TIAM1: variants seen among roughly 807,000 people sequenced by gnomAD.
The protein encoded by TIAM1 is TIAM Rac1 associated GEF 1.
Under a neutral mutation model 163.5 loss-of-function variants are expected in TIAM1, and 65 were observed. The observed-to-expected ratio is 0.40, with a 90% CI of 0.33 to 0.49. The LOEUF (loss-of-function observed/expected upper bound fraction) is 0.49. TIAM1 is among the 20% of genes least tolerant of loss of function. TIAM1 has a pLI of 0.77. For missense variants in TIAM1, 1,789 were observed against 2,044.7 expected (o/e 0.87, Z 2.41); for synonymous variants, 833 against 810.1 (o/e 1.03, Z -0.48).
intron 9 of TIAM1, among the ~76,000 whole-genome samples, chr21:31,215,124 T>C (rs2087107959): frequency 6.6e-6 from 1 of 152,100 alleles, no homozygotes; most frequent in South Asian, 2.1e-4. Flanking sequence ...AATTCAGTCA[T>C]ATATTTCAGT....
chr21:31,365,552 C>T (rs1047065923), intron 2 of TIAM1, among the ~76,000 whole-genome samples: 3 of 151,676 alleles, frequency 2.0e-5, no homozygotes, highest in African/African-American at 7.3e-5. Flanking sequence ...CCACGCCTGG[C>T]TAATTTTTTG....
intron 2 of TIAM1, among the ~76,000 whole-genome samples, chr21:31,396,178 G>T (rs2077064796): frequency 6.6e-6 from 1 of 152,132 alleles, no homozygotes; most frequent in South Asian, 2.1e-4. Context: ...AGGAGTAGAG[G>T]GGCTTGTTTG....
chr21:31,417,497 G>C (rs1467077135), intron 2 of TIAM1, among the ~76,000 whole-genome samples: 1 of 152,132 alleles, frequency 6.6e-6, no homozygotes, highest in East Asian at 1.9e-4. Flanking sequence ...CAGATCTCAT[G>C]AGACTTACTA....
At chr21:31,513,656 A>C (rs184667860) in intron 1 of TIAM1, among the ~76,000 whole-genome samples, 1 of 152,306 alleles carries the variant, frequency 6.6e-6, no homozygotes, top group Non-Finnish European at 1.5e-5. Flanking sequence ...AAACTCTTGT[A>C]CAGATACCAT....
At chr21:31,428,620 T>C (rs145711664) in intron 2 of TIAM1, among the ~76,000 whole-genome samples, 196 of 152,308 alleles carry the variant, frequency 1.3e-3, no homozygotes, top group Non-Finnish European at 1.5e-3. Context: ...CAGTGGCTCA[T>C]GCCTGTAATT....
At chr21:31,416,550 C>T (rs955296555) in intron 2 of TIAM1, among the ~76,000 whole-genome samples, 2 of 152,194 alleles carry the variant, frequency 1.3e-5, no homozygotes, top group African/African-American at 4.8e-5. Context: ...CTAGTGCCCA[C>T]TTATAAGTGA....
At chr21:31,158,958 G>A (rs932661872) in intron 16 of TIAM1, among the ~76,000 whole-genome samples, 3 of 152,112 alleles carry the variant, frequency 2.0e-5, no homozygotes, top group African/African-American at 7.2e-5. Flanking sequence ...GTAGCCACAA[G>A]TGCCAAGAAA....
chr21:31,210,201 C>A lies in TIAM1; in HGVS notation c.2232G>T (p.Val744=), dbSNP rs758464652. The change falls in exon 11 of 28, where the codon GTG becomes GTT. Residue 744 remains valine (V), a synonymous_variant. Transcript: ENST00000541036. ...TGTGCTGGTGAACGTTAGGTAAGACCACTTCTTTCTCCCTCTATAACAAGA... is the reference window on the plus strand; with the variant it reads ...TGTGCTGGTGAACGTTAGGTAAGACAACTTCTTTCTCCCTCTATAACAAGA... ...IVPDGKREKE[V]VLPNVHQHNP... is the part of the protein sequence containing the mutation. 1 of 1,613,884 alleles carries A rather than the reference C, an allele frequency of 6.2e-7. No individual in the cohort carries two copies. The highest frequency in any genetic ancestry group is 1.3e-5 in the African/African-American group (1 of 74,878).
intron 2 of TIAM1, among the ~76,000 whole-genome samples, chr21:31,441,996 T>C (rs1250299640): frequency 1.4e-5 from 2 of 142,844 alleles, no homozygotes; most frequent in Non-Finnish European, 3.0e-5. Flanking sequence ...GTGGGAATTA[T>C]AGTGAGCTGA....
At chr21:31,244,733 G>A (rs7280356) in intron 6 of TIAM1, among the ~76,000 whole-genome samples, 7,327 of 152,198 alleles carry the variant, frequency 0.048, 582 homozygotes, top group African/African-American at 0.16. Flanking sequence ...CTCAAAAAAA[G>A]AGAGGAACTG....
chr21:31,138,815 T>C (rs929172031), intron 22 of TIAM1, among the ~76,000 whole-genome samples: 5 of 152,210 alleles, frequency 3.3e-5, no homozygotes, highest in Admixed American at 6.5e-5. Flanking sequence ...GAGTAATTGA[T>C]TCCCACTGGG....
intron 2 of TIAM1, among the ~76,000 whole-genome samples, chr21:31,350,530 A>G (rs1456628710): frequency 6.6e-6 from 1 of 152,088 alleles, no homozygotes; most frequent in Admixed American, 6.5e-5. Flanking sequence ...AGAGTTGAGC[A>G]CCATCCCCTT....
chr21:31,445,181 T>C (rs896914930), intron 2 of TIAM1, among the ~76,000 whole-genome samples: 1 of 151,780 alleles, frequency 6.6e-6, no homozygotes, highest in Non-Finnish European at 1.5e-5. Flanking sequence ...AAACAGTCTA[T>C]GATGATGAGT....
At chr21:31,524,963 T>C (rs1371400530) in intron 1 of TIAM1, among the ~76,000 whole-genome samples, 4 of 151,782 alleles carry the variant, frequency 2.6e-5, no homozygotes, top group Non-Finnish European at 5.9e-5. Context: ...ACAAGAAAAA[T>C]GGCAGCAACA....
At chr21:31,224,759 AC>A (rs1171012475) in intron 7 of TIAM1, among the ~76,000 whole-genome samples, 1 of 152,064 alleles carries the variant, frequency 6.6e-6, no homozygotes, top group Non-Finnish European at 1.5e-5. Flanking sequence ...ACAAAGGGAA[AC>A]CCCAGAGGGA....
At chr21:31,364,804 G>C (rs564985276) in intron 2 of TIAM1, among the ~76,000 whole-genome samples, 1 of 152,290 alleles carries the variant, frequency 6.6e-6, no homozygotes, top group African/African-American at 2.4e-5. Context: ...AGGAAGGACA[G>C]AGGACAGGCC....
intron 14 of TIAM1, among the ~76,000 whole-genome samples, chr21:31,184,227 T>A (rs1234206951): frequency 1.3e-5 from 2 of 152,098 alleles, no homozygotes; most frequent in East Asian, 3.9e-4. Context: ...TGCCTCAGCC[T>A]CCCATGTAGC....
chr21:31,505,963 C>G (rs1340196873), intron 1 of TIAM1, among the ~76,000 whole-genome samples: 2 of 139,200 alleles, frequency 1.4e-5, no homozygotes, highest in Non-Finnish European at 3.0e-5. Context: ...GAGCCAAGAT[C>G]TTGGGCCACT....
intron 15 of TIAM1, among the ~76,000 whole-genome samples, chr21:31,179,387 C>CA (rs111392435): frequency 4.9e-4 from 68 of 139,472 alleles, no homozygotes; most frequent in South Asian, 2.3e-3. Context: ...AACTTCGTTT[C>CA]AAAAAAAAAA....
Sources: allele counts gnomAD v4.1 joint callset (sites outside exome capture counted in the v4.1 genomes callset), GRCh38; gene constraint gnomAD v4.1.1; transcripts MANE v1.5; gene names NCBI Gene and HGNC (gene_info 2026-07-23, HGNC 2026-07-21).